The following CDH12 variants were observed in gnomAD, a reference collection of about 807,000 sequenced individuals.
CDH12 encodes cadherin 12.
CDH12 carries 41 observed loss-of-function variants against 74.1 expected under a neutral mutation model. That is an observed-to-expected ratio of 0.55 (90% CI 0.43 to 0.72). The LOEUF (loss-of-function observed/expected upper bound fraction) is 0.72, where lower values mean the gene tolerates loss of function less well. CDH12 is among the 30% of genes least tolerant of loss of function. The pLI is 0.00. For synonymous variants in CDH12, 399 were observed against 355.0 expected, an observed-to-expected ratio of 1.12 and a Z score of -1.39; for missense variants, 945 against 977.2, an observed-to-expected ratio of 0.97 and a Z score of 0.44.
intron 1 of CDH12, among the ~76,000 whole-genome samples, chr5:22,566,178 A>T (rs978946350): frequency 4.6e-5 from 7 of 152,162 alleles, no homozygotes; most frequent in African/African-American, 1.4e-4. Context: ...ATATTAAAGT[A>T]AATACCTGAG....
intron 5 of CDH12, among the ~76,000 whole-genome samples, chr5:22,077,713 C>A (rs1478408237): frequency 6.6e-6 from 1 of 151,818 alleles, no homozygotes; most frequent in Non-Finnish European, 1.5e-5. Context: ...GAAAAAAAAG[C>A]AGTAAAACAT....
chr5:22,029,755 A>G (rs1427793301), intron 5 of CDH12, among the ~76,000 whole-genome samples: 1 of 151,874 alleles, frequency 6.6e-6, no homozygotes, highest in Admixed American at 6.6e-5. Flanking sequence ...CAGCCATCCC[A>G]TTACTGGGTA....
chr5:22,465,848 ATCTC>A (rs1745707075), intron 2 of CDH12, among the ~76,000 whole-genome samples: 1 of 152,152 alleles, frequency 6.6e-6, no homozygotes, highest in Admixed American at 6.5e-5. Flanking sequence ...TCAAACCATA[ATCTC>A]TCTTACAAAA....
At position 21,751,824 on chromosome 5, in the gene CDH12, G is replaced by T; in HGVS notation, c.2298C>A (p.Asp766Glu). ...AGCGGGGTCCCCAGTCTGTCAGATA[G>T]TCATAGTCCTGGTCGGCTTCTGTGG... ...SLTTEADQDY[D>E]YLTDWGPRFK... is the part of the protein sequence containing the mutation. The change falls in exon 15 of 15, where the codon GAC becomes GAA. Residue 766 changes from aspartate to glutamate, a missense_variant. Around this residue, in one of 3 missense-constraint regions of CDH12, gnomAD observed 791 missense variants for 792.8 expected, o/e 1.00. Coordinates refer to ENST00000382254, the MANE Select transcript of CDH12 (RefSeq NM_004061.5). The T allele has an allele frequency of 6.2e-7, 1 of 1,614,092 alleles. No individual in the cohort carries two copies. Among genetic ancestry groups the T allele is most frequent in the Non-Finnish European group, 8.5e-7 (1 of 1,179,996 alleles).
intron 1 of CDH12, among the ~76,000 whole-genome samples, chr5:22,740,422 G>GT (rs1202974925): frequency 6.7e-5 from 10 of 149,870 alleles, no homozygotes; most frequent in Non-Finnish European, 5.9e-5. Context: ...GATTCATTAG[G>GT]TAAAAAAAAA....
intron 1 of CDH12, among the ~76,000 whole-genome samples, chr5:22,556,940 T>G (rs971991968): frequency 2.6e-5 from 4 of 151,998 alleles, no homozygotes; most frequent in Admixed American, 6.6e-5. Flanking sequence ...AGCCTGACTT[T>G]GATAAAGGAC....
chr5:22,832,491 CT>C (rs1313383996), intron 1 of CDH12, among the ~76,000 whole-genome samples: 4 of 151,960 alleles, frequency 2.6e-5, no homozygotes, highest in Admixed American at 2.6e-4. Context: ...GTTGATTTTG[CT>C]CAGAGAAAAT....
intron 1 of CDH12, among the ~76,000 whole-genome samples, chr5:22,797,904 T>C (rs1002977008): frequency 4.6e-5 from 7 of 152,232 alleles, no homozygotes; most frequent in Non-Finnish European, 8.8e-5. Flanking sequence ...AGTGTTGCTT[T>C]TGAGGAATAA....
chr5:22,028,783 A>C (rs1175355283), intron 5 of CDH12, among the ~76,000 whole-genome samples: 1 of 152,196 alleles, frequency 6.6e-6, no homozygotes, highest in Non-Finnish European at 1.5e-5. Context: ...TATGGAACCA[A>C]AAAAGAGCCC....
At chr5:22,624,011 C>T (rs1201510886) in intron 1 of CDH12, among the ~76,000 whole-genome samples, 1 of 152,150 alleles carries the variant, frequency 6.6e-6, no homozygotes, top group Admixed American at 6.5e-5. Context: ...AATAATACCA[C>T]ACATCTACAA....
intron 1 of CDH12, among the ~76,000 whole-genome samples, chr5:22,765,118 A>G (rs1561014850): frequency 6.6e-6 from 1 of 151,940 alleles, no homozygotes; most frequent in Non-Finnish European, 1.5e-5. Context: ...CTGTGATTAA[A>G]CAATGTGCAC....
At chr5:21,941,324 C>T (rs1755319603) in intron 6 of CDH12, among the ~76,000 whole-genome samples, 1 of 152,082 alleles carries the variant, frequency 6.6e-6, no homozygotes, top group Non-Finnish European at 1.5e-5. Flanking sequence ...TTTAGGACAA[C>T]ATAATGGTTT....
intron 3 of CDH12, among the ~76,000 whole-genome samples, chr5:22,238,371 A>AC (rs1561246102): frequency 6.6e-6 from 1 of 150,902 alleles, no homozygotes; most frequent in Non-Finnish European, 1.5e-5. Flanking sequence ...AAGAATTCAA[A>AC]TGGATAATTC....
chr5:21,783,613 T>G, intron 10 of CDH12, 119 bp from the exon 11 acceptor site: 2 of 690,956 alleles, frequency 2.9e-6, no homozygotes, highest in Non-Finnish European at 5.0e-6. Context: ...CACCTTGCAA[T>G]AAAGAAGACT....
At chr5:21,928,831 T>A (rs1254022041) in intron 6 of CDH12, among the ~76,000 whole-genome samples, 2 of 152,176 alleles carry the variant, frequency 1.3e-5, no homozygotes, top group African/African-American at 4.8e-5. Flanking sequence ...AAATCTACAT[T>A]CCACTTTGTG....
chr5:22,233,383 GGTACCAT>G (rs1286748761), intron 3 of CDH12, among the ~76,000 whole-genome samples: 1 of 151,726 alleles, frequency 6.6e-6, no homozygotes, highest in Non-Finnish European at 1.5e-5. Flanking sequence ...ATGAGATTTA[GGTACCAT>G]GGAGGATGGC....
At chr5:21,782,357 T>A (rs1024925884) in intron 11 of CDH12, among the ~76,000 whole-genome samples, 2 of 152,202 alleles carry the variant, frequency 1.3e-5, no homozygotes, top group Non-Finnish European at 2.9e-5. Flanking sequence ...GCTAAAGATA[T>A]CACGAAGATG....
At chr5:22,253,457 C>T (rs7379108) in intron 3 of CDH12, among the ~76,000 whole-genome samples, 151,095 of 152,026 alleles carry the variant, frequency 0.99, 75,098 homozygotes, top group Middle Eastern at 1. Flanking sequence ...ATTGAAATTA[C>T]TGTCATTTAA....
intron 1 of CDH12, among the ~76,000 whole-genome samples, chr5:22,818,163 A>G (rs1008058431): frequency 2.6e-5 from 4 of 152,142 alleles, no homozygotes; most frequent in Non-Finnish European, 5.9e-5. Context: ...TTGATTTTCA[A>G]ATAGAGTAGT....
Sources: allele counts gnomAD v4.1 joint callset (sites outside exome capture counted in the v4.1 genomes callset), GRCh38; gene constraint gnomAD v4.1.1; regional missense constraint gnomAD v4.1.1; transcripts MANE v1.5; gene names NCBI Gene and HGNC (gene_info 2026-07-23, HGNC 2026-07-21).